Variants in ROCK2 observed in about 807,000 individuals in gnomAD.
ROCK2 encodes the protein rho-associated protein kinase 2.
Under a neutral mutation model 195.1 loss-of-function variants are expected in ROCK2, and 61 were observed. That is an observed-to-expected ratio of 0.31 (90% CI 0.25 to 0.39). ROCK2 has a LOEUF of 0.39. ROCK2 is among the 10% of genes least tolerant of loss of function. The probability of loss-of-function intolerance (pLI) is 1.00; values close to 1 mark genes in which losing one functional copy is unlikely to be tolerated. For synonymous variants in ROCK2, 504 were observed against 545.5 expected (o/e 0.92, Z 1.06); for missense variants, 1,109 against 1,637.4 (o/e 0.68, Z 5.57).
At chr2:11,265,742 G>T (rs564053182) in intron 3 of ROCK2, among the ~76,000 whole-genome samples, 4 of 152,060 alleles carry the variant, frequency 2.6e-5, no homozygotes, top group Non-Finnish European at 4.4e-5. Context: ...ATAAAACAGC[G>T]ACCAGGAAAA....
intron 1 of ROCK2, among the ~76,000 whole-genome samples, chr2:11,335,600 A>C (rs556402735): frequency 6.6e-6 from 1 of 152,332 alleles, no homozygotes; most frequent in South Asian, 2.1e-4. Flanking sequence ...CCTAACCTAT[A>C]ATCATTAGAC....
chr2:11,213,555 C>A (rs1294670256), intron 17 of ROCK2, among the ~76,000 whole-genome samples: 1 of 66,944 alleles, frequency 1.5e-5, no homozygotes, highest in Non-Finnish European at 4.3e-5. Context: ...ACCATATAAC[C>A]CACAGAAGAT....
At chr2:11,326,380 A>G (rs915626949) in intron 1 of ROCK2, among the ~76,000 whole-genome samples, 6 of 152,256 alleles carry the variant, frequency 3.9e-5, no homozygotes, top group African/African-American at 7.2e-5. Flanking sequence ...TGAACATTCT[A>G]TAAGATTATG....
At chr2:11,308,618 G>C (rs1667937142) in intron 1 of ROCK2, 1 of 1,466,724 alleles carries the variant, frequency 6.8e-7, no homozygotes, top group Non-Finnish European at 9.6e-7. Flanking sequence ...GAATGGCATA[G>C]ACTTAACTCC....
At chr2:11,206,123 G>A (rs1664043049) in intron 20 of ROCK2, among the ~76,000 whole-genome samples, 1 of 151,716 alleles carries the variant, frequency 6.6e-6, no homozygotes, top group Non-Finnish European at 1.5e-5. Flanking sequence ...AAAAAAAAAG[G>A]ACTGGGGAGA....
At chr2:11,253,107 C>T (rs923233905) in intron 3 of ROCK2, among the ~76,000 whole-genome samples, 13 of 152,040 alleles carry the variant, frequency 8.6e-5, no homozygotes, top group Non-Finnish European at 1.8e-4. Flanking sequence ...CCAGTTGGTG[C>T]TCCTTTTTAC....
rs746861128 is a variant in ROCK2 at position 11,224,358 on chromosome 2, T to C, written c.971A>G (p.His324Arg). 5 of 1,613,346 alleles carry C rather than the reference T, an allele frequency of 3.1e-6. No homozygotes were observed. In the South Asian group the frequency reaches 3.3e-5, roughly 11 times the overall value. Reference protein sequence around the residue: ...CFPEDAEISKHAKNLICAFLT... With the variant: ...CFPEDAEISKRAKNLICAFLT... The stretch of plus-strand genomic sequence containing the variant: ...GAAAGCACAGATGAGATTCTTTGCA[T>C]GTTTGGAAATTTCTGCATCTTCAGG... The change falls in exon 7 of 33, where the codon CAT (histidine) becomes CGT (arginine). Residue 324 changes from histidine to arginine, a missense_variant. This residue lies in a region of ROCK2 where 253 missense variants were observed against 455.5 expected (regional missense o/e 0.56). Coordinates refer to ENST00000315872, the MANE Select transcript of ROCK2 (RefSeq NM_004850.5).
intron 3 of ROCK2, among the ~76,000 whole-genome samples, chr2:11,269,919 T>C (rs1666566015): frequency 6.6e-6 from 1 of 152,156 alleles, no homozygotes; most frequent in African/African-American, 2.4e-5. Flanking sequence ...TATGGCTAAT[T>C]ATTTTTAATT....
chr2:11,225,930 A>G (rs1251416594), intron 6 of ROCK2, among the ~76,000 whole-genome samples: 2 of 152,186 alleles, frequency 1.3e-5, no homozygotes, highest in Non-Finnish European at 2.9e-5. Context: ...TCAAGAGAAA[A>G]CAATTTATGC....
In ROCK2 at chr2:11,224,489, T is replaced by TGTAA. The variant is rs778888373; in HGVS notation, c.869-33_869-30dup. 1.6e-5 allele frequency: 26 copies of TGTAA among 1,599,738 alleles called. No homozygotes were observed. In the South Asian group the frequency reaches 2.9e-4, roughly 18 times the overall value. On this transcript the variant is annotated intron_variant, in intron 6 of 32. Transcript: ENST00000315872. Reference sequence around the variant, plus strand: ...AAATTTCAAGAAAGAAGATACTGAATGTAACAGAGAATGCAAAGGAAACAC... The same window carrying TGTAA: ...AAATTTCAAGAAAGAAGATACTGAATGTAAGTAACAGAGAATGCAAAGGAAACAC...
intron 3 of ROCK2, among the ~76,000 whole-genome samples, chr2:11,278,495 G>A (rs1666900161): frequency 6.6e-6 from 1 of 152,010 alleles, no homozygotes; most frequent in African/African-American, 2.4e-5. Flanking sequence ...CCATATCTTG[G>A]CTCTTATGAA....
At chr2:11,233,815 T>C (rs1486486155) in intron 5 of ROCK2, among the ~76,000 whole-genome samples, 3 of 152,152 alleles carry the variant, frequency 2.0e-5, no homozygotes, top group Non-Finnish European at 2.9e-5. Context: ...GGTGAACATA[T>C]ACTAGCTATC....
intron 3 of ROCK2, among the ~76,000 whole-genome samples, chr2:11,283,319 G>A (rs930234776): frequency 1.1e-4 from 16 of 151,384 alleles, no homozygotes; most frequent in Admixed American, 1.1e-3. Context: ...CCAGCACTTT[G>A]GGAGGCCGAG....
intron 1 of ROCK2, among the ~76,000 whole-genome samples, chr2:11,302,798 T>A (rs1473633866): frequency 6.6e-6 from 1 of 152,278 alleles, no homozygotes; most frequent in Non-Finnish European, 1.5e-5. Flanking sequence ...TTTGTTATAC[T>A]GGGTTAAATG....
intron 3 of ROCK2, among the ~76,000 whole-genome samples, chr2:11,282,439 A>C (rs1667037271): frequency 6.6e-6 from 1 of 152,170 alleles, no homozygotes; most frequent in South Asian, 2.1e-4. Context: ...AGCTACAGTA[A>C]TCAAGACAAT....
At chr2:11,289,279 A>G (rs910786646) in intron 1 of ROCK2, among the ~76,000 whole-genome samples, 4 of 151,932 alleles carry the variant, frequency 2.6e-5, no homozygotes, top group African/African-American at 9.7e-5. Flanking sequence ...TCACACACAC[A>G]CTCCTCCAAA....
At chr2:11,230,020 T>C (rs1054694481) in intron 5 of ROCK2, among the ~76,000 whole-genome samples, 5 of 152,146 alleles carry the variant, frequency 3.3e-5, no homozygotes, top group Non-Finnish European at 7.4e-5. Flanking sequence ...TAATATGCTA[T>C]ATATACAGAC....
At chr2:11,317,612 ATT>A (rs1553317464) in intron 1 of ROCK2, among the ~76,000 whole-genome samples, 42 of 19,298 alleles carry the variant, frequency 2.2e-3, no homozygotes, top group Admixed American at 3.5e-3. Flanking sequence ...ATATATATAT[ATT>A]TTTTTTTTTT....
At position 11,180,490 on chromosome 2, in the gene ROCK2, A is replaced by G. The variant is rs1004393464; in HGVS notation, c.*2947T>C. 5.3e-5 allele frequency: 8 copies of G among 152,326 alleles called. No individual in the cohort carries two copies. The highest frequency in any genetic ancestry group is 3.3e-4 in the Admixed American group (5 of 15,298). 9.4% of individuals were successfully genotyped at this position (152,326 alleles called of 1,614,324 possible). Reference sequence around the variant, plus strand: ...GATTTTTAAAACTTGTTTCTAGAGAACATGGTTTTTTAAAATTAATACTTT... The same window carrying G: ...GATTTTTAAAACTTGTTTCTAGAGAGCATGGTTTTTTAAAATTAATACTTT... On this transcript the variant is annotated 3_prime_UTR_variant, in exon 33 of 33. Transcript: ENST00000315872.
Sources: gnomAD v4.1 joint callset for allele counts (sites outside exome capture counted in the v4.1 genomes callset) on GRCh38, gnomAD v4.1.1 for gene constraint, gnomAD v4.1.1 regional missense constraint, MANE v1.5 for transcripts, NCBI Gene and HGNC (gene_info 2026-07-23, HGNC 2026-07-21) for gene names.